CSMD1: variants seen among roughly 807,000 people sequenced by gnomAD.
CSMD1 encodes the protein CUB and sushi domain-containing protein 1.
Under a neutral mutation model 417.5 loss-of-function variants are expected in CSMD1, and 213 were observed. The ratio of observed to expected loss-of-function variants is 0.51; its 90% CI spans 0.46 to 0.57. The LOEUF is 0.57. Ranked by LOEUF, CSMD1 falls within the 20% of genes least tolerant of loss-of-function variation. CSMD1 has a pLI of 0.00. For synonymous variants in CSMD1, 2,862 were observed against 1,736.8 expected (o/e 1.65, Z -16.11); for missense variants, 6,923 against 4,529.7 (o/e 1.53, Z -15.17).
chr8:4,899,200 G>A (rs189072180), intron 1 of CSMD1, among the ~76,000 whole-genome samples: 12 of 152,212 alleles, frequency 7.9e-5, no homozygotes, highest in East Asian at 5.8e-4. Context: ...ATGTCCTATC[G>A]GAAGAAACAT....
chr8:4,209,122 A>G (rs1299630380), intron 3 of CSMD1, among the ~76,000 whole-genome samples: 1 of 152,162 alleles, frequency 6.6e-6, no homozygotes, highest in Non-Finnish European at 1.5e-5. Flanking sequence ...GTGTTAACAC[A>G]TCTTCATGAT....
intron 5 of CSMD1, among the ~76,000 whole-genome samples, chr8:3,990,671 T>C (rs1483657641): frequency 1.3e-5 from 2 of 152,216 alleles, no homozygotes; most frequent in Non-Finnish European, 2.9e-5. Context: ...AGAATGCTAT[T>C]TCTAGAATTT....
intron 49 of CSMD1, among the ~76,000 whole-genome samples, chr8:3,077,275 C>A (rs1813750509): frequency 6.6e-6 from 1 of 152,270 alleles, no homozygotes; most frequent in Middle Eastern, 3.4e-3. Context: ...AATGCCAAGA[C>A]ATGGACAAAA....
In CSMD1 at chr8:3,796,024, TATAG is replaced by T. The variant is rs1255545430; in HGVS notation, c.819-41986_819-41983del. 6.0e-5 allele frequency among the ~76,000 whole-genome samples: 3 copies of T among 50,272 alleles called. 1 individual carries two copies. Among genetic ancestry groups the T allele is most frequent in the African/African-American group, 1.7e-4 (3 of 17,622 alleles). 33.0% of individuals were successfully genotyped at this position (50,272 alleles called of 152,430 possible). A position where few individuals can be genotyped will look rare whatever the true frequency, so the allele number is the denominator to read the frequency against. ...ATCATGTATATAGATATATATCATG[TATAG>T]ATATAGATATATATCTATCATAGAT... is the stretch of plus-strand genomic sequence containing the variant. On this transcript the variant is annotated intron_variant, in intron 5 of 69. Coordinates refer to ENST00000635120, the MANE Select transcript of CSMD1 (RefSeq NM_033225.6).
chr8:4,503,079 T>C (rs755756458), intron 2 of CSMD1, among the ~76,000 whole-genome samples: 2 of 152,186 alleles, frequency 1.3e-5, no homozygotes, highest in African/African-American at 2.4e-5. Flanking sequence ...TAAAGGTGCA[T>C]AAATGAACAA....
intron 1 of CSMD1, among the ~76,000 whole-genome samples, chr8:4,782,108 A>G (rs902747029): frequency 1.3e-5 from 2 of 152,214 alleles, no homozygotes; most frequent in African/African-American, 2.4e-5. Flanking sequence ...TTAAAAAGAC[A>G]TTACAGTAGG....
Position 4,441,937 on chromosome 8 carries a change from C to A in CSMD1, c.303-21872G>T, listed in dbSNP as rs79596265. Reference sequence around the variant, plus strand: ...TAAATCTTATCAGCTTCTTACATAACCATTGTACTGAGAAACTCAGGGGCC... The same window carrying A: ...TAAATCTTATCAGCTTCTTACATAAACATTGTACTGAGAAACTCAGGGGCC... On this transcript the variant is annotated intron_variant, in intron 2 of 69. Coordinates refer to ENST00000635120, the MANE Select transcript of CSMD1 (RefSeq NM_033225.6). Among the ~76,000 whole-genome samples, 1,213 of 152,216 alleles carry A rather than the reference C, an allele frequency of 8.0e-3. 18 individuals are homozygous for A. The highest frequency in any genetic ancestry group is 0.027 in the African/African-American group (1,140 of 41,510).
chr8:3,118,417 G>T lies in CSMD1; in HGVS notation c.6412C>A (p.Pro2138Thr). 2 of 1,613,140 alleles carry T rather than the reference G, an allele frequency of 1.2e-6. No individual in the cohort carries two copies. The highest frequency in any genetic ancestry group is 1.7e-6 in the Non-Finnish European group (2 of 1,179,518). The change falls in exon 42 of 70, where the codon CCT becomes ACT. Residue 2138 changes from proline (P) to threonine (T), a missense_variant. Coordinates refer to ENST00000635120, the MANE Select transcript of CSMD1 (RefSeq NM_033225.6). Reference sequence around the variant, plus strand: ...AACTTACCATCACATCTTGGAAAAGGGTAGTTCCAGTTTCTGTTGATCCCA... The same window carrying T: ...AACTTACCATCACATCTTGGAAAAGTGTAGTTCCAGTTTCTGTTGATCCCA... ...QHGINRNWNY[P>T]FPRCDAPCGY...
At chr8:4,199,711 C>T (rs1010961906) in intron 3 of CSMD1, among the ~76,000 whole-genome samples, 1 of 152,122 alleles carries the variant, frequency 6.6e-6, no homozygotes, top group Non-Finnish European at 1.5e-5. Context: ...AATCCAGTGC[C>T]ATTTCTCAGG....
At chr8:4,404,179 A>G (rs1364700893) in intron 3 of CSMD1, among the ~76,000 whole-genome samples, 10 of 152,148 alleles carry the variant, frequency 6.6e-5, no homozygotes, top group Admixed American at 1.3e-4. Context: ...TTTAATATTG[A>G]AACTCAACCT....
chr8:4,001,655 T>G (rs1334210389), intron 4 of CSMD1, among the ~76,000 whole-genome samples: 1 of 152,124 alleles, frequency 6.6e-6, no homozygotes, highest in African/African-American at 2.4e-5. Flanking sequence ...TCTTAGACAC[T>G]TACTATCTAC....
intron 37 of CSMD1, among the ~76,000 whole-genome samples, chr8:3,178,975 T>C (rs1045492627): frequency 2.0e-5 from 3 of 146,800 alleles, no homozygotes; most frequent in East Asian, 2.0e-4. Context: ...TGAGACGGAG[T>C]CTCACTCTGT....
At chr8:3,997,397 G>C (rs546733712) in intron 5 of CSMD1, among the ~76,000 whole-genome samples, 3 of 151,580 alleles carry the variant, frequency 2.0e-5, no homozygotes, top group Admixed American at 6.6e-5. Context: ...AGTGGACTAA[G>C]ATGTGTGTTA....
chr8:3,716,358 G>A (rs978695889), intron 6 of CSMD1, among the ~76,000 whole-genome samples: 1 of 152,228 alleles, frequency 6.6e-6, no homozygotes, highest in Non-Finnish European at 1.5e-5. Flanking sequence ...CTACTCCATA[G>A]ACAGAACAGT....
At chr8:4,438,198 G>A (rs534650837) in intron 2 of CSMD1, among the ~76,000 whole-genome samples, 44 of 152,256 alleles carry the variant, frequency 2.9e-4, no homozygotes, top group Non-Finnish European at 5.7e-4. Context: ...CATTGAGATC[G>A]ATCTGCAAGA....
chr8:3,974,452 G>C lies in CSMD1; in HGVS notation c.818+23451C>G, dbSNP rs934529179. 3.3e-5 allele frequency among the ~76,000 whole-genome samples: 5 copies of C among 151,922 alleles called. No individual in the cohort carries two copies. In the East Asian group the frequency reaches 7.7e-4, roughly 23 times the overall value. ...TTCATAAGGGTATGTGCAAATAATA[G>C]TATATGGCTACTTATTAAAATGTAT... On this transcript the variant is annotated intron_variant, in intron 5 of 69. Transcript: ENST00000635120.
intron 3 of CSMD1, among the ~76,000 whole-genome samples, chr8:4,106,160 C>T (rs1025878783): frequency 1.3e-5 from 2 of 152,138 alleles, no homozygotes; most frequent in African/African-American, 2.4e-5. Context: ...CTGGTGAGTA[C>T]AGACCAGCGT....
At chr8:4,105,382 T>C (rs1474322533) in intron 3 of CSMD1, among the ~76,000 whole-genome samples, 2 of 152,138 alleles carry the variant, frequency 1.3e-5, no homozygotes. Flanking sequence ...TAACTATGAA[T>C]AAGAAGGTGT....
chr8:4,687,762 T>G (rs549127491), intron 1 of CSMD1, among the ~76,000 whole-genome samples: 21 of 152,158 alleles, frequency 1.4e-4, no homozygotes, highest in African/African-American at 4.6e-4. Flanking sequence ...GTTCCCTCCT[T>G]TTGTCACCCT....
Sources: allele counts gnomAD v4.1 joint callset (sites outside exome capture counted in the v4.1 genomes callset), GRCh38; gene constraint gnomAD v4.1.1; transcripts MANE v1.5; gene names NCBI Gene and HGNC (gene_info 2026-07-23, HGNC 2026-07-21).